Variants in CARD8 observed in about 807,000 individuals in gnomAD.
The protein encoded by CARD8 is caspase recruitment domain-containing protein 8.
CARD8 carries 38 observed loss-of-function variants against 53.2 expected under a neutral mutation model. The observed-to-expected ratio is 0.71, with a 90% CI of 0.55 to 0.94. The LOEUF is 0.94. Among genes scored for constraint, CARD8 ranks in the 40% least tolerant of loss-of-function variants. The pLI is 0.00. For missense variants in CARD8, 561 were observed against 655.5 expected (o/e 0.86, Z 1.57); for synonymous variants, 245 against 244.9 (o/e 1.00, Z 0.00).
chr19:48,215,162 T>C (rs1471268009), intron 13 of CARD8, 178 bp downstream of exon 13: 1 of 535,330 alleles, frequency 1.9e-6, no homozygotes, highest in East Asian at 3.2e-5. Flanking sequence ...TTCTGCCTTA[T>C]GCCCCTCAGT....
chr19:48,214,752 T>G (rs922325504), intron 13 of CARD8, among the ~76,000 whole-genome samples: 3 of 149,284 alleles, frequency 2.0e-5, no homozygotes, highest in African/African-American at 7.4e-5. Flanking sequence ...CTCCTTCCTT[T>G]CATTCCTGCT....
In CARD8 at chr19:48,238,441, G is replaced by A; in HGVS notation, c.151C>T (p.Leu51=). ...KLLVDNSIRE[L]QYTKTGIFFQ... is the part of the protein sequence containing the mutation. ...AAAATTCCAGTTTTTGTGTATTGCA[G>A]TTCCCGTATGCTATTGTCAACCAAC... The change falls in exon 5 of 14, where the codon CTG becomes TTG. Residue 51 remains leucine, a synonymous_variant. Coordinates refer to ENST00000651546, the MANE Select transcript of CARD8 (RefSeq NM_001184900.3). The A allele has an allele frequency of 1.3e-6, 2 of 1,536,162 alleles. No individual in the cohort carries two copies. Among genetic ancestry groups the A allele is most frequent in the Non-Finnish European group, 8.7e-7 (1 of 1,146,902 alleles).
intron 12 of CARD8, 50 bp downstream of exon 12, chr19:48,218,821 G>A: frequency 6.3e-7 from 1 of 1,585,174 alleles, no homozygotes; most frequent in Non-Finnish European, 8.7e-7. Context: ...AAGGATAGAG[G>A]TACATGATGG....
At position 48,215,455 on chromosome 19, in the gene CARD8, T is replaced by C. The variant is rs979604189; in HGVS notation, c.1304-71A>G. On this transcript the variant is annotated intron_variant, in intron 12 of 13. Transcript: ENST00000651546. ...TACCCTTATTTAGCTTTTCTAGTCT[T>C]TGATGCAACCAACTGAAATAATTTA... is the stretch of plus-strand genomic sequence containing the variant. The C allele has an allele frequency of 5.9e-6, 6 of 1,019,572 alleles. No homozygotes were observed. In the African/African-American group the frequency reaches 9.6e-5, roughly 16 times the overall value. 63.2% of individuals were successfully genotyped at this position (1,019,572 alleles called of 1,614,324 possible). A position where few individuals can be genotyped will look rare whatever the true frequency, so the allele number is the denominator to read the frequency against.
chr19:48,212,050 T>TA, intron 13 of CARD8, 75 bp from the exon 14 acceptor site: 2 of 1,437,170 alleles, frequency 1.4e-6, no homozygotes, highest in Non-Finnish European at 1.9e-6. Context: ...AAGCTTAGAG[T>TA]CAAAATTCAG....
chr19:48,207,732 C>CTGTTTTTTTTTTTGTT (rs1555790094), downstream of CARD8, among the ~76,000 whole-genome samples: 1 of 91,278 alleles, frequency 1.1e-5, no homozygotes, highest in African/African-American at 4.4e-5. Flanking sequence ...TGTTGTTTTT[C>CTGTTTTTTTTTTTGTT]TGTTTTTTTT....
At chr19:48,238,352 A>T (rs1273159103) in intron 5 of CARD8, 31 bp downstream of exon 5, 1 of 1,529,274 alleles carries the variant, frequency 6.5e-7, no homozygotes, top group Admixed American at 2.0e-5. Flanking sequence ...CCAAATCTTT[A>T]ATTTTTTCCC....
chr19:48,240,985 G>A lies in CARD8; in HGVS notation c.36C>T (p.Ser12=). 1.3e-6 allele frequency: 2 copies of A among 1,536,120 alleles called. No homozygotes were observed. Among genetic ancestry groups the A allele is most frequent in the Non-Finnish European group, 1.7e-6 (2 of 1,146,822 alleles). ...EKKECPEKSS[S]SEEELPRRDS... ...ACCGTCTCGGCAGCTCTTCCTCACTGCTGCTACTCTTTTCTGGACACTCCT... is the reference window on the plus strand; with the variant it reads ...ACCGTCTCGGCAGCTCTTCCTCACTACTGCTACTCTTTTCTGGACACTCCT... The change falls in exon 4 of 14, where the codon AGC becomes AGT. Residue 12 remains serine (S), a synonymous_variant. Coordinates refer to ENST00000651546, the MANE Select transcript of CARD8 (RefSeq NM_001184900.3).
chr19:48,219,139 G>T, intron 11 of CARD8, 127 bp from the exon 12 acceptor site: 1 of 768,970 alleles, frequency 1.3e-6, no homozygotes, highest in Admixed American at 2.4e-5. Flanking sequence ...GTGGGAAACA[G>T]AGGGAGAGAG....
intron 3 of CARD8, among the ~76,000 whole-genome samples, chr19:48,241,660 A>T (rs2045130217): frequency 1.3e-5 from 2 of 152,158 alleles, no homozygotes; most frequent in Admixed American, 1.3e-4. Context: ...CAAAAGTGTG[A>T]TTATTTTCCT....
chr19:48,244,068 A>G (rs529060920), intron 3 of CARD8, among the ~76,000 whole-genome samples: 1 of 152,176 alleles, frequency 6.6e-6, no homozygotes, highest in South Asian at 2.1e-4. Context: ...GGATAAATAC[A>G]AACCTGAATT....
At chr19:48,206,625 T>C, downstream of CARD8, 1 of 411,656 alleles carries the variant, frequency 2.4e-6, no homozygotes, top group Non-Finnish European at 4.9e-6. Context: ...CACCTAGGGG[T>C]GTTACCAAAT....
chr19:48,212,011 G>A (rs747242060), intron 13 of CARD8, 36 bp from the exon 14 acceptor site: 19 of 1,597,298 alleles, frequency 1.2e-5, no homozygotes, highest in African/African-American at 5.4e-5. Flanking sequence ...TTTGAGAATC[G>A]TTCACTTACA....
intron 5 of CARD8, among the ~76,000 whole-genome samples, chr19:48,235,173 C>T (rs994407442): frequency 1.3e-5 from 2 of 151,784 alleles, no homozygotes; most frequent in African/African-American, 4.9e-5. Flanking sequence ...CATGAGAGTC[C>T]TATGCTAGAT....
At chr19:48,203,343 C>T (rs2040425476), downstream of CARD8, 1 of 152,182 alleles carries the variant, frequency 6.6e-6, no homozygotes, top group Non-Finnish European at 1.5e-5. Flanking sequence ...TTATGCCACA[C>T]AGCTATTTAC....
At chr19:48,226,813 G>A (rs1305736839) in intron 10 of CARD8, among the ~76,000 whole-genome samples, 1 of 152,078 alleles carries the variant, frequency 6.6e-6, no homozygotes, top group Non-Finnish European at 1.5e-5. Context: ...ATGAGATGCT[G>A]GATGTGGGAA....
intron 10 of CARD8, among the ~76,000 whole-genome samples, chr19:48,222,691 CAA>C (rs35257645): frequency 4.3e-5 from 5 of 115,126 alleles, no homozygotes; most frequent in Admixed American, 8.9e-5. Flanking sequence ...TCTGTCTCAC[CAA>C]AAAAAAAAAA....
At chr19:48,238,318 T>C (rs2044287742) in intron 5 of CARD8, 65 bp downstream of exon 5, 1 of 1,501,970 alleles carries the variant, frequency 6.7e-7, no homozygotes. Flanking sequence ...CTTATGAATG[T>C]ACATAAACCA....
chr19:48,213,626 G>A (rs190754684), intron 13 of CARD8, among the ~76,000 whole-genome samples: 10 of 152,172 alleles, frequency 6.6e-5, no homozygotes, highest in East Asian at 5.8e-4. Flanking sequence ...CACCTGCCTC[G>A]GCCTCCCAAA....
Sources: gnomAD v4.1 joint callset for allele counts (sites outside exome capture counted in the v4.1 genomes callset) on GRCh38, gnomAD v4.1.1 for gene constraint, MANE v1.5 for transcripts, NCBI Gene and HGNC (gene_info 2026-07-23, HGNC 2026-07-21) for gene names.